PPP4R3B: variants seen among roughly 807,000 people sequenced by gnomAD.
The protein encoded by PPP4R3B is protein phosphatase 4 regulatory subunit 3B, also known as serine/threonine-protein phosphatase 4 regulatory subunit 3B.
Under a neutral mutation model 95.4 loss-of-function variants are expected in PPP4R3B, and 52 were observed. That is an observed-to-expected ratio of 0.54 (90% CI 0.44 to 0.69). The LOEUF is 0.69. PPP4R3B is among the 30% of genes least tolerant of loss of function. The pLI is 0.00. For missense variants in PPP4R3B, 1,003 were observed against 1,005.9 expected (o/e 1.00, Z 0.04); for synonymous variants, 407 against 343.9 (o/e 1.18, Z -2.03).
intron 15 of PPP4R3B, among the ~76,000 whole-genome samples, chr2:55,559,957 A>C (rs1452520986): frequency 2.0e-5 from 3 of 152,142 alleles, no homozygotes; most frequent in Non-Finnish European, 4.4e-5. Flanking sequence ...CCTATTCTCT[A>C]TTAAAAATAC....
intron 13 of PPP4R3B, among the ~76,000 whole-genome samples, chr2:55,566,318 A>G (rs1687292167): frequency 6.6e-6 from 1 of 152,226 alleles, no homozygotes; most frequent in South Asian, 2.1e-4. Context: ...TTTGGGGCAC[A>G]AGGTACACAA....
intron 16 of PPP4R3B, among the ~76,000 whole-genome samples, chr2:55,556,324 A>G (rs539449521): frequency 7.2e-5 from 11 of 152,332 alleles, no homozygotes; most frequent in Non-Finnish European, 1.3e-4. Flanking sequence ...TACTGTCAAG[A>G]AGAGTGAAAA....
At chr2:55,560,180 T>G (rs547429624) in intron 15 of PPP4R3B, among the ~76,000 whole-genome samples, 3 of 151,744 alleles carry the variant, frequency 2.0e-5, no homozygotes, top group East Asian at 3.9e-4. Flanking sequence ...TAGACAGAGG[T>G]TGGAACAATT....
At chr2:55,573,485 A>G (rs1195128416) in intron 12 of PPP4R3B, 134 bp downstream of exon 12, 2 of 819,510 alleles carry the variant, frequency 2.4e-6, no homozygotes, top group South Asian at 2.0e-5. Context: ...TGCCCTTTAA[A>G]TAAGAACAAA....
In PPP4R3B at chr2:55,598,470, A is replaced by G; in HGVS notation, c.867T>C (p.Ser289=). 1 of 1,614,214 alleles carries G rather than the reference A, an allele frequency of 6.2e-7. No homozygotes were observed. The highest frequency in any genetic ancestry group is 8.5e-7 in the Non-Finnish European group (1 of 1,180,032). The change falls in exon 4 of 17, where the codon TCT becomes TCC. Residue 289 remains serine (S), a synonymous_variant. Transcript: ENST00000616407. ...TGAAGAAAATAAAAGACGTAAGAGT[A>G]GAAAGAAAATTCTCTTCAAAAACAG... The part of the protein sequence containing the change: ...TPSVFEENFL[S]TLTSFIFFNK...
intron 16 of PPP4R3B, among the ~76,000 whole-genome samples, chr2:55,554,039 A>G (rs1390268119): frequency 6.6e-6 from 1 of 152,220 alleles, no homozygotes; most frequent in Non-Finnish European, 1.5e-5. Flanking sequence ...GGGAACCGCC[A>G]GACTGTACTC....
At chr2:55,570,400 A>G (rs937103912) in intron 12 of PPP4R3B, among the ~76,000 whole-genome samples, 2 of 152,254 alleles carry the variant, frequency 1.3e-5, no homozygotes, top group Non-Finnish European at 2.9e-5. Context: ...AGAGTAATGA[A>G]TAAGAAGTAC....
At chr2:55,571,926 G>A (rs1305274276) in intron 12 of PPP4R3B, among the ~76,000 whole-genome samples, 1 of 152,092 alleles carries the variant, frequency 6.6e-6, no homozygotes, top group African/African-American at 2.4e-5. Context: ...GGCCAACACT[G>A]GTACTTTTAC....
chr2:55,613,488 TAA>T (rs1430212307), intron 2 of PPP4R3B, among the ~76,000 whole-genome samples: 1 of 152,132 alleles, frequency 6.6e-6, no homozygotes, highest in African/African-American at 2.4e-5. Context: ...TACTTTATAC[TAA>T]GTGTATACAA....
In PPP4R3B at chr2:55,599,009, T is replaced by A; in HGVS notation, c.328A>T (p.Thr110Ser). The A allele has an allele frequency of 6.2e-7, 1 of 1,613,664 alleles. No homozygotes were observed. Residue 110 changes from threonine (T) to serine (S), a missense_variant, in exon 4 of 17, where the codon ACA (threonine) becomes TCA (serine). Transcript: ENST00000616407. ...VQGKDPSVEV[T>S]QDLIDESEEE... ...TCAGATTCATCAATGAGGTCCTGTGTGACTTCCACTGATGGGTCTTTACCT... is the reference window on the plus strand; with the variant it reads ...TCAGATTCATCAATGAGGTCCTGTGAGACTTCCACTGATGGGTCTTTACCT...
At chr2:55,577,261 G>A in intron 11 of PPP4R3B, 54 bp downstream of exon 11, 1 of 1,508,026 alleles carries the variant, frequency 6.6e-7, no homozygotes, top group South Asian at 1.4e-5. Context: ...TACACTTAGA[G>A]TAGAAAAAAG....
chr2:55,556,032 T>C (rs1328758862), intron 16 of PPP4R3B, among the ~76,000 whole-genome samples: 1 of 152,258 alleles, frequency 6.6e-6, no homozygotes, highest in Non-Finnish European at 1.5e-5. Context: ...TAGTAGCTAA[T>C]GTCTAGCCAG....
chr2:55,605,333 T>C lies in PPP4R3B; in HGVS notation c.199-1257A>G, dbSNP rs376675557. ...AACTTGTTCATTTAAGTAGTACTTATAAATATCATGACCTGACATGAATAC... is the reference window on the plus strand; with the variant it reads ...AACTTGTTCATTTAAGTAGTACTTACAAATATCATGACCTGACATGAATAC... On this transcript the variant is annotated intron_variant, in intron 2 of 16. Coordinates refer to ENST00000616407, the MANE Select transcript of PPP4R3B (RefSeq NM_001122964.3). Among the ~76,000 whole-genome samples, 5 of 152,308 alleles carry C rather than the reference T, an allele frequency of 3.3e-5. No individual in the cohort carries two copies. In the East Asian group the frequency reaches 5.8e-4, roughly 18 times the overall value.
intron 13 of PPP4R3B, among the ~76,000 whole-genome samples, chr2:55,565,314 A>G (rs781540623): frequency 0.036 from 5,473 of 150,228 alleles, 140 homozygotes; most frequent in South Asian, 0.09. Context: ...TTTTTTGTAT[A>G]TATATATATA....
chr2:55,597,483 G>A (rs112740135), intron 4 of PPP4R3B, among the ~76,000 whole-genome samples: 4,290 of 152,240 alleles, frequency 0.028, 220 homozygotes, highest in African/African-American at 0.098. Flanking sequence ...TTAGCTGGGC[G>A]TGATGGCGGG....
Position 55,578,268 on chromosome 2 carries a change from G to A in PPP4R3B, c.1543C>T (p.Pro515Ser). 1.4e-6 allele frequency: 2 copies of A among 1,475,888 alleles called. No individual in the cohort carries two copies. Among genetic ancestry groups the A allele is most frequent in the Non-Finnish European group, 1.8e-6 (2 of 1,110,294 alleles). 91.4% of individuals were successfully genotyped at this position (1,475,888 alleles called of 1,614,324 possible). The change falls in exon 10 of 17, where the codon CCC becomes TCC. Residue 515 changes from proline (P) to serine (S), a missense_variant. This residue lies in a region of PPP4R3B where 695 missense variants were observed against 686.2 expected (regional missense o/e 1.01). Transcript: ENST00000616407. ...TPSHSHSHSTPSSSISQDNIV... is the reference protein window; with the variant it reads ...TPSHSHSHSTSSSSISQDNIV... The stretch of plus-strand genomic sequence containing the variant: ...ATACCTTGAGAGATGGAGGAAGAGG[G>A]GGTAGAATGGGAATGGGAATGTGAA...
Position 55,579,665 on chromosome 2 carries a change from T to G in PPP4R3B, c.1468+14A>C. ...AAAAACAGAAATCACAGCAGATAAA[T>G]AAAGAGACCCTACCCTTTTCACATT... On this transcript the variant is annotated intron_variant, in intron 9 of 16. Coordinates refer to ENST00000616407, the MANE Select transcript of PPP4R3B (RefSeq NM_001122964.3). 1 of 1,517,470 alleles carries G rather than the reference T, an allele frequency of 6.6e-7. No individual in the cohort carries two copies. Among genetic ancestry groups the G allele is most frequent in the Non-Finnish European group, 8.8e-7 (1 of 1,130,524 alleles). 94.0% of individuals were successfully genotyped at this position (1,517,470 alleles called of 1,614,324 possible). A position where few individuals can be genotyped will look rare whatever the true frequency, so the allele number is the denominator to read the frequency against.
intron 13 of PPP4R3B, chr2:55,565,954 T>G (rs961116040): frequency 1.3e-5 from 2 of 152,250 alleles, no homozygotes; most frequent in African/African-American, 4.8e-5. Context: ...CTATCTGGAA[T>G]TCTACTTGTC....
At chr2:55,571,918 C>A (rs1574743715) in intron 12 of PPP4R3B, among the ~76,000 whole-genome samples, 1 of 152,214 alleles carries the variant, frequency 6.6e-6, no homozygotes, top group African/African-American at 2.4e-5. Context: ...CTGCGCCTGG[C>A]CAACACTGGT....
Sources: gnomAD v4.1 joint callset for allele counts (sites outside exome capture counted in the v4.1 genomes callset) on GRCh38, gnomAD v4.1.1 for gene constraint, gnomAD v4.1.1 regional missense constraint, MANE v1.5 for transcripts, NCBI Gene and HGNC (gene_info 2026-07-23, HGNC 2026-07-21) for gene names.